Variants in NCALD observed in about 807,000 individuals in gnomAD.
NCALD encodes neurocalcin-delta.
A neutral mutation model predicts 18.6 loss-of-function variants in NCALD; 10 were observed. That is an observed-to-expected ratio of 0.54 (90% CI 0.33 to 0.91). The LOEUF (loss-of-function observed/expected upper bound fraction) is 0.91. Among genes scored for constraint, NCALD ranks in the 40% least tolerant of loss-of-function variants. The pLI is 0.03. For synonymous variants in NCALD, 88 were observed against 87.4 expected (o/e 1.01, Z -0.04); for missense variants, 184 against 247.6 (o/e 0.74, Z 1.72).
chr8:101,915,954 C>T, intron 2 of NCALD: 1 of 152,140 alleles, frequency 6.6e-6, no homozygotes. Context: ...AACAGCAGAA[C>T]ACTGGGAGAC....
In NCALD at chr8:101,988,377, G is replaced by A. The variant is rs116572453; in HGVS notation, c.-157+31860C>T. Among the ~76,000 whole-genome samples, 920 of 152,256 alleles carry A rather than the reference G, an allele frequency of 6.0e-3. 10 individuals are homozygous for A. Among genetic ancestry groups the A allele is most frequent in the African/African-American group, 0.018 (738 of 41,536 alleles). On this transcript the variant is annotated intron_variant, in intron 2 of 6. Transcript: ENST00000311028. ...ACACAGGCTGAAGCAGTAGAGTAGG[G>A]CAGTTAAGAACCCAGACTTTAGAGC... is the stretch of plus-strand genomic sequence containing the variant.
chr8:101,728,361 C>T (rs74459624), intron 1 of NCALD, among the ~76,000 whole-genome samples: 2,487 of 152,302 alleles, frequency 0.016, 63 homozygotes, highest in African/African-American at 0.057. Flanking sequence ...GCAAAGGACA[C>T]AACTCATCCT....
At chr8:101,758,833 CT>C (rs5893584) in intron 1 of NCALD, among the ~76,000 whole-genome samples, 94,400 of 151,906 alleles carry the variant, frequency 0.62, 31,777 homozygotes, top group Non-Finnish European at 0.75. Flanking sequence ...GTGTAAAATA[CT>C]TTTTTTTTGT....
chr8:101,726,341 G>A (rs550791892), intron 1 of NCALD, among the ~76,000 whole-genome samples: 129 of 152,292 alleles, frequency 8.5e-4, no homozygotes, highest in South Asian at 1.5e-3. Context: ...GCAGAGCCAG[G>A]AAGACCAGGT....
intron 1 of NCALD, among the ~76,000 whole-genome samples, chr8:101,722,240 T>A (rs2130477860): frequency 6.6e-6 from 1 of 152,334 alleles, no homozygotes; most frequent in African/African-American, 2.4e-5. Context: ...CAGTCTAATA[T>A]CTTTCACTTC....
intron 3 of NCALD, among the ~76,000 whole-genome samples, chr8:101,899,242 C>T (rs113365225): frequency 1.0e-3 from 159 of 151,984 alleles, no homozygotes; most frequent in African/African-American, 3.7e-3. Flanking sequence ...ATCTTACATC[C>T]TGCAACCTAA....
chr8:101,801,923 C>T (rs897489789), intron 4 of NCALD, among the ~76,000 whole-genome samples: 2 of 152,018 alleles, frequency 1.3e-5, no homozygotes, highest in Non-Finnish European at 2.9e-5. Flanking sequence ...GCCTCGGCCT[C>T]CCAAAGTGCT....
intron 1 of NCALD, among the ~76,000 whole-genome samples, chr8:101,719,878 C>G (rs894681657): frequency 2.0e-5 from 3 of 152,158 alleles, no homozygotes; most frequent in Non-Finnish European, 2.9e-5. Context: ...AAAATGAATA[C>G]TTCTTTTATA....
intron 4 of NCALD, among the ~76,000 whole-genome samples, chr8:101,855,818 A>C (rs1815294679): frequency 6.6e-6 from 1 of 151,894 alleles, no homozygotes; most frequent in Non-Finnish European, 1.5e-5. Flanking sequence ...AATAAAAAAC[A>C]GTGGTGTCTT....
intron 1 of NCALD, among the ~76,000 whole-genome samples, chr8:101,747,689 C>G (rs1244875912): frequency 1.3e-5 from 2 of 151,964 alleles, no homozygotes; most frequent in Non-Finnish European, 2.9e-5. Context: ...TCCAGGGTTC[C>G]CTTTTTACAC....
intron 3 of NCALD, among the ~76,000 whole-genome samples, chr8:101,894,146 A>G (rs201194083): frequency 0.26 from 35,264 of 135,896 alleles, 5,547 homozygotes; most frequent in East Asian, 0.37. Context: ...AAAGAACAGA[A>G]ATTATAACAA....
intron 1 of NCALD, among the ~76,000 whole-genome samples, chr8:101,786,535 G>A (rs1240324942): frequency 6.6e-6 from 1 of 152,170 alleles, no homozygotes; most frequent in African/African-American, 2.4e-5. Flanking sequence ...CATGGTTTGA[G>A]TTATATGAAT....
chr8:101,897,417 G>A (rs1168281477), intron 3 of NCALD, among the ~76,000 whole-genome samples: 1 of 147,982 alleles, frequency 6.8e-6, no homozygotes, highest in Non-Finnish European at 1.5e-5. Flanking sequence ...CCTAATGCTA[G>A]ATGACGAGTT....
chr8:102,073,879 T>G (rs1183933848), intron 1 of NCALD, among the ~76,000 whole-genome samples: 1 of 152,234 alleles, frequency 6.6e-6, no homozygotes, highest in Non-Finnish European at 1.5e-5. Context: ...CCACAGGTTC[T>G]CCTTTGTTCT....
chr8:102,051,825 C>G (rs149939271), intron 1 of NCALD, among the ~76,000 whole-genome samples: 1 of 152,188 alleles, frequency 6.6e-6, no homozygotes, highest in Non-Finnish European at 1.5e-5. Context: ...AAGTTTATCA[C>G]GTTTCATTAC....
intron 1 of NCALD, among the ~76,000 whole-genome samples, chr8:102,043,607 G>A (rs557749795): frequency 4.6e-5 from 7 of 151,594 alleles, no homozygotes; most frequent in Admixed American, 1.3e-4. Flanking sequence ...AATGTTAGGC[G>A]GTTAGTTAGG....
At chr8:101,739,341 C>T (rs1810084318) in intron 1 of NCALD, among the ~76,000 whole-genome samples, 1 of 152,186 alleles carries the variant, frequency 6.6e-6, no homozygotes, top group Non-Finnish European at 1.5e-5. Flanking sequence ...TTAACACTTG[C>T]AATTCTAATA....
At chr8:102,021,446 A>G (rs1822269935) in intron 1 of NCALD, among the ~76,000 whole-genome samples, 1 of 152,240 alleles carries the variant, frequency 6.6e-6, no homozygotes, top group African/African-American at 2.4e-5. Flanking sequence ...TTTTATACAT[A>G]TTAAAAGAGC....
At position 102,074,595 on chromosome 8, in the gene NCALD, T is replaced by G. The variant is rs534404881; in HGVS notation, c.-210+49642A>C. Among the ~76,000 whole-genome samples the G allele has an allele frequency of 6.6e-5, 10 of 152,278 alleles. No individual in the cohort carries two copies. In the South Asian group the frequency reaches 2.1e-3, roughly 32 times the overall value. On this transcript the variant is annotated intron_variant, in intron 1 of 6. Coordinates refer to the NCALD transcript ENST00000311028. ...GATGACCTGTATACTTTTTGACTGG[T>G]TTTTGAGTCTCAGAAATTAGATTTA...
Sources: gnomAD v4.1 joint callset for allele counts (sites outside exome capture counted in the v4.1 genomes callset) on GRCh38, gnomAD v4.1.1 for gene constraint, MANE v1.5 for transcripts, NCBI Gene and HGNC (gene_info 2026-07-23, HGNC 2026-07-21) for gene names.